The following AGBL4 variants were observed in gnomAD, a reference collection of about 807,000 sequenced individuals.
AGBL4 encodes the protein cytosolic carboxypeptidase 6.
AGBL4 carries 58 observed loss-of-function variants against 66.4 expected under a neutral mutation model. The ratio of observed to expected loss-of-function variants is 0.87; its 90% CI spans 0.71 to 1.09. The LOEUF (loss-of-function observed/expected upper bound fraction) is 1.09. Among genes scored for constraint, AGBL4 ranks in the 50% least tolerant of loss-of-function variants. The probability of loss-of-function intolerance (pLI) is 0.00; values close to 1 mark genes in which losing one functional copy is unlikely to be tolerated. For missense variants in AGBL4, 579 were observed against 631.0 expected (o/e 0.92, Z 0.88); for synonymous variants, 234 against 222.9 (o/e 1.05, Z -0.44).
chr1:49,949,903 G>C (rs985000580), intron 1 of AGBL4, among the ~76,000 whole-genome samples: 2 of 149,106 alleles, frequency 1.3e-5, no homozygotes, highest in Non-Finnish European at 3.0e-5. Flanking sequence ...ACTTGCATAT[G>C]CATGTTTATA....
intron 5 of AGBL4, among the ~76,000 whole-genome samples, chr1:49,043,639 G>A (rs1644003147): frequency 6.6e-6 from 1 of 152,104 alleles, no homozygotes; most frequent in African/African-American, 2.4e-5. Context: ...CTAGCATGCT[G>A]ACTCATATAC....
intron 3 of AGBL4, among the ~76,000 whole-genome samples, chr1:49,695,944 A>C (rs1236135461): frequency 6.6e-6 from 1 of 152,128 alleles, no homozygotes; most frequent in African/African-American, 2.4e-5. Flanking sequence ...AATTCAAGAC[A>C]CTGGCCACTG....
In AGBL4 at chr1:48,736,964, C is replaced by T. The variant is rs1474768375; in HGVS notation, c.635-73723G>A. On this transcript the variant is annotated intron_variant, in intron 6 of 13. Coordinates refer to ENST00000371839, the MANE Select transcript of AGBL4 (RefSeq NM_032785.4). The surrounding 1 kb of genome is among the most constrained non-coding windows in gnomAD (Gnocchi z 4.0). ...GGTGGTTCTCAACCTTGGCTGCACA[C>T]AGGGGTCACCTAGGGAGCTGTAAAA... Among the ~76,000 whole-genome samples the T allele has an allele frequency of 1.3e-5, 2 of 152,106 alleles. No individual in the cohort carries two copies. Among genetic ancestry groups the T allele is most frequent in the Non-Finnish European group, 2.9e-5 (2 of 68,016 alleles).
chr1:49,325,618 C>T (rs1645214515), intron 3 of AGBL4, among the ~76,000 whole-genome samples: 1 of 152,148 alleles, frequency 6.6e-6, no homozygotes, highest in Admixed American at 6.5e-5. Flanking sequence ...ATAACCGATT[C>T]AAGAAACCAT....
At chr1:49,658,881 G>A (rs939147602) in intron 3 of AGBL4, among the ~76,000 whole-genome samples, 3 of 151,868 alleles carry the variant, frequency 2.0e-5, no homozygotes, top group African/African-American at 7.3e-5. Flanking sequence ...TGGGGGGAGG[G>A]ATAGCATTAG....
intron 5 of AGBL4, among the ~76,000 whole-genome samples, chr1:48,870,883 T>G (rs1293773967): frequency 6.6e-6 from 1 of 152,180 alleles, no homozygotes; most frequent in Non-Finnish European, 1.5e-5. Context: ...ATGTTCTAGG[T>G]GCAAACGAAA....
At chr1:49,284,280 T>A (rs1476780765) in intron 3 of AGBL4, among the ~76,000 whole-genome samples, 7 of 152,012 alleles carry the variant, frequency 4.6e-5, no homozygotes, top group African/African-American at 1.4e-4. Flanking sequence ...CTAAGCTTCA[T>A]AAGTGAAGGA....
chr1:49,590,624 T>C (rs1423753991), intron 3 of AGBL4, among the ~76,000 whole-genome samples: 1 of 151,944 alleles, frequency 6.6e-6, no homozygotes, highest in South Asian at 2.1e-4. Context: ...AATGAATACA[T>C]AGAAAAATTA....
chr1:49,152,102 A>T (rs1557683091), intron 4 of AGBL4, among the ~76,000 whole-genome samples: 1 of 152,246 alleles, frequency 6.6e-6, no homozygotes, highest in African/African-American at 2.4e-5. Context: ...AAATTTAAAA[A>T]GTAGAAACTA....
At chr1:48,965,288 G>C (rs2148945763) in intron 5 of AGBL4, among the ~76,000 whole-genome samples, 1 of 152,218 alleles carries the variant, frequency 6.6e-6, no homozygotes, top group East Asian at 1.9e-4. Flanking sequence ...TCCATTCTTT[G>C]GATAGGGGAA....
chr1:49,977,473 A>G (rs938586447), intron 1 of AGBL4, among the ~76,000 whole-genome samples: 4 of 152,234 alleles, frequency 2.6e-5, no homozygotes, highest in Non-Finnish European at 5.9e-5. Flanking sequence ...CAATCAATCA[A>G]CACCATTCAA....
chr1:49,316,448 G>A (rs1017557911), intron 3 of AGBL4, among the ~76,000 whole-genome samples: 3 of 151,588 alleles, frequency 2.0e-5, no homozygotes, highest in African/African-American at 7.3e-5. Context: ...AGAAAAAAAA[G>A]CTCTCACAAC....
chr1:48,938,169 C>T (rs1471279322), intron 5 of AGBL4, among the ~76,000 whole-genome samples: 1 of 152,184 alleles, frequency 6.6e-6, no homozygotes, highest in Non-Finnish European at 1.5e-5. Flanking sequence ...ATGCTATCAA[C>T]CAAAATGTTT....
intron 6 of AGBL4, chr1:48,759,206 C>T (rs201623671): frequency 2.7e-5 from 44 of 1,609,890 alleles, no homozygotes; most frequent in Admixed American, 3.4e-5. Context: ...AGGCTCAGGC[C>T]GTTCTGCTTC....
At chr1:48,968,749 C>A (rs1342366359) in intron 5 of AGBL4, among the ~76,000 whole-genome samples, 1 of 152,074 alleles carries the variant, frequency 6.6e-6, no homozygotes, top group East Asian at 1.9e-4. Flanking sequence ...TTTCTACCAC[C>A]TTCTTCCAGT....
intron 3 of AGBL4, among the ~76,000 whole-genome samples, chr1:49,455,158 T>A (rs887516115): frequency 6.6e-6 from 1 of 151,620 alleles, no homozygotes; most frequent in South Asian, 2.1e-4. Flanking sequence ...TATGTACATA[T>A]GTATGTATGT....
At chr1:49,896,299 C>G (rs555745506) in intron 1 of AGBL4, among the ~76,000 whole-genome samples, 7 of 151,868 alleles carry the variant, frequency 4.6e-5, no homozygotes, top group African/African-American at 1.7e-4. Context: ...ACATAAACAC[C>G]CTGCTTTCAG....
chr1:48,560,129 C>T (rs772889937), intron 11 of AGBL4, among the ~76,000 whole-genome samples: 22 of 152,158 alleles, frequency 1.4e-4, no homozygotes, highest in Non-Finnish European at 1.0e-4. Flanking sequence ...ATGACACTTG[C>T]AGCTTTTTAT....
At chr1:49,592,529 A>G (rs758400445) in intron 3 of AGBL4, among the ~76,000 whole-genome samples, 1 of 152,220 alleles carries the variant, frequency 6.6e-6, no homozygotes, top group African/African-American at 2.4e-5. Flanking sequence ...AGATCATGCC[A>G]CTGCATTTCA....
Sources: allele counts gnomAD v4.1 joint callset (sites outside exome capture counted in the v4.1 genomes callset), GRCh38; gene constraint gnomAD v4.1.1; non-coding constraint Gnocchi (gnomAD v3.1); transcripts MANE v1.5; gene names NCBI Gene and HGNC (gene_info 2026-07-23, HGNC 2026-07-21).